The following ARHGAP29 variants were observed in gnomAD, a reference collection of about 807,000 sequenced individuals.
ARHGAP29 encodes the protein rho GTPase-activating protein 29.
Under a neutral mutation model 122.6 loss-of-function variants are expected in ARHGAP29, and 43 were observed. The ratio of observed to expected loss-of-function variants is 0.35; its 90% CI spans 0.27 to 0.45. The LOEUF (loss-of-function observed/expected upper bound fraction) is 0.45, where lower values mean the gene tolerates loss of function less well. Among genes scored for constraint, ARHGAP29 ranks in the 20% least tolerant of loss-of-function variants. The probability of loss-of-function intolerance (pLI) is 1.00; values close to 1 mark genes in which losing one functional copy is unlikely to be tolerated. For missense variants in ARHGAP29, 1,303 were observed against 1,477.2 expected, an observed-to-expected ratio of 0.88 and a Z score of 1.93; for synonymous variants, 506 against 497.1, an observed-to-expected ratio of 1.02 and a Z score of -0.24.
rs12089307 is a variant in ARHGAP29 at position 94,208,656 on chromosome 1, C to A, written c.510+176G>T. Among the ~76,000 whole-genome samples, 564 of 151,954 alleles carry A rather than the reference C, an allele frequency of 3.7e-3. 1 individual carries two copies. Among genetic ancestry groups the A allele is most frequent in the African/African-American group, 0.013 (532 of 41,430 alleles). ...TGTATTATTAGTAGAGATGGGGTTT[C>A]ACCATGTTGGCCAGGCTGGTCTCAA... On this transcript the variant is annotated intron_variant, in intron 5 of 22. Transcript: ENST00000260526.
chr1:94,307,868 G>T, the ARHGAP29 span, among the ~76,000 whole-genome samples: 1 of 152,172 alleles, frequency 6.6e-6, no homozygotes, highest in Non-Finnish European at 1.5e-5. Flanking sequence ...TTCTTAATGG[G>T]AAAGGCCTTA....
At chr1:94,215,520 G>A (rs1192911764) in intron 3 of ARHGAP29, among the ~76,000 whole-genome samples, 1 of 152,078 alleles carries the variant, frequency 6.6e-6, no homozygotes, top group African/African-American at 2.4e-5. Context: ...AGATATATGT[G>A]AGAATGTAGT....
intron 1 of ARHGAP29, chr1:94,249,325 G>T (rs554343472): frequency 2.6e-5 from 4 of 152,234 alleles, no homozygotes; most frequent in Non-Finnish European, 4.4e-5. Context: ...TATGACAGAT[G>T]ATGTGGTATT....
At chr1:94,295,191 A>G in the ARHGAP29 span, among the ~76,000 whole-genome samples, 17 of 152,304 alleles carry the variant, frequency 1.1e-4, no homozygotes, top group African/African-American at 4.1e-4. Context: ...TGTCTGGTCT[A>G]CCTTCATCAG....
intron 16 of ARHGAP29, 90 bp downstream of exon 16, chr1:94,186,409 G>T: frequency 1.1e-6 from 1 of 914,258 alleles, no homozygotes; most frequent in Non-Finnish European, 1.6e-6. Context: ...AAAAAGTATT[G>T]ATTCTTTAAA....
the ARHGAP29 span, among the ~76,000 whole-genome samples, chr1:94,291,127 G>A: frequency 6.6e-6 from 1 of 152,186 alleles, no homozygotes; most frequent in African/African-American, 2.4e-5. Context: ...ATATATTTAG[G>A]ATAGTTAGCT....
At chr1:94,175,236 C>T (rs1459393791) in intron 22 of ARHGAP29, among the ~76,000 whole-genome samples, 2 of 152,154 alleles carry the variant, frequency 1.3e-5, no homozygotes, top group African/African-American at 4.8e-5. Flanking sequence ...TAGATGCTCT[C>T]CATATCTGAT....
chr1:94,245,589 G>A (rs1454275205), intron 1 of ARHGAP29, among the ~76,000 whole-genome samples: 1 of 152,130 alleles, frequency 6.6e-6, no homozygotes, highest in African/African-American at 2.4e-5. Context: ...AGGTGTGGGG[G>A]AAATTGCGAG....
intron 10 of ARHGAP29, 27 bp downstream of exon 10, chr1:94,202,890 GT>G (rs761391566): frequency 6.3e-7 from 1 of 1,575,546 alleles, no homozygotes; most frequent in African/African-American, 1.4e-5. Flanking sequence ...TCACAAATAG[GT>G]ACATGAAACT....
chr1:94,256,762 G>T (rs1395061461), intron 1 of ARHGAP29, among the ~76,000 whole-genome samples: 6 of 151,302 alleles, frequency 4.0e-5, no homozygotes, highest in Non-Finnish European at 7.4e-5. Flanking sequence ...GTTTCACCAT[G>T]TTAGCCAGGA....
At chr1:94,252,999 C>T (rs1035455662) in intron 1 of ARHGAP29, among the ~76,000 whole-genome samples, 1 of 151,824 alleles carries the variant, frequency 6.6e-6, no homozygotes, top group African/African-American at 2.4e-5. Flanking sequence ...GAGACAGAGT[C>T]TCAGTCTGTT....
chr1:94,215,344 A>G (rs1651899237), intron 3 of ARHGAP29, among the ~76,000 whole-genome samples: 1 of 151,824 alleles, frequency 6.6e-6, no homozygotes, highest in Admixed American at 6.6e-5. Flanking sequence ...ACCAGTAGAT[A>G]TTTTTTAGAA....
rs777210712 is a variant in ARHGAP29 at position 94,186,604 on chromosome 1, G to A, written c.1682-7C>T. 5.6e-6 allele frequency: 9 copies of A among 1,597,442 alleles called. No individual in the cohort carries two copies. The South Asian group carries it at 7.7e-5, about 14-fold the overall frequency. On this transcript the variant is annotated splice_polypyrimidine_tract_variant and splice_region_variant and intron_variant, in intron 15 of 22. Transcript: ENST00000260526. Reference sequence around the variant, plus strand: ...AGTTTTCGATGAAAGTCTCCTAGAAGAAAATTGTGGATACAATTACCTGAC... The same window carrying A: ...AGTTTTCGATGAAAGTCTCCTAGAAAAAAATTGTGGATACAATTACCTGAC...
At chr1:94,294,792 C>T in the ARHGAP29 span, among the ~76,000 whole-genome samples, 15 of 152,114 alleles carry the variant, frequency 9.9e-5, no homozygotes, top group African/African-American at 2.4e-5. Context: ...TACTAACGTT[C>T]AAGAGATAAG....
chr1:94,287,220 T>C, the ARHGAP29 span, among the ~76,000 whole-genome samples: 4 of 152,196 alleles, frequency 2.6e-5, no homozygotes, highest in Admixed American at 2.0e-4. Context: ...TTTGGCTCTG[T>C]GGCCCCACCC....
At chr1:94,186,937 C>G (rs1288318670) in intron 15 of ARHGAP29, among the ~76,000 whole-genome samples, 1 of 152,144 alleles carries the variant, frequency 6.6e-6, no homozygotes, top group Non-Finnish European at 1.5e-5. Flanking sequence ...TAATATGTGA[C>G]AGAGTAGCTG....
chr1:94,220,861 T>C (rs1238177212), intron 2 of ARHGAP29, among the ~76,000 whole-genome samples: 1 of 144,214 alleles, frequency 6.9e-6, no homozygotes, highest in African/African-American at 2.4e-5. Context: ...TTGTGCTTTT[T>C]AGAAAAACTG....
rs750848061 is a variant in ARHGAP29, at chr1:94,201,850, T to G, written c.1151A>C (p.Glu384Ala). 6.3e-6 allele frequency: 10 copies of G among 1,594,850 alleles called. No homozygotes were observed. The East Asian group carries it at 9.0e-5, about 14-fold the overall frequency. The change falls in exon 12 of 23, where the codon GAA becomes GCA. Residue 384 changes from glutamate to alanine, a missense_variant. Physicochemically the swap from Glu to Ala is moderately radical, Grantham distance 107 (BLOSUM62 -1). Transcript: ENST00000260526. ...LEEEALQKVEEANELYKVCVT... is the reference protein window; with the variant it reads ...LEEEALQKVEAANELYKVCVT... ...ACAAACTTTGTAAAGTTCATTTGCT[T>G]CTTCTACCTTCACAAATATCACAGA...
chr1:94,195,693 T>G (rs1425899724), intron 12 of ARHGAP29: 1 of 152,070 alleles, frequency 6.6e-6, no homozygotes, highest in Non-Finnish European at 1.5e-5. Flanking sequence ...AACACTCCAC[T>G]TATAAGATAG....
Sources: allele counts gnomAD v4.1 joint callset (sites outside exome capture counted in the v4.1 genomes callset), GRCh38; gene constraint gnomAD v4.1.1; transcripts MANE v1.5; gene names NCBI Gene and HGNC (gene_info 2026-07-23, HGNC 2026-07-21).